RGS12: variants seen among roughly 807,000 people sequenced by gnomAD.
RGS12 encodes regulator of G protein signaling 12, also known as regulator of G-protein signaling 12.
A neutral mutation model predicts 120.1 loss-of-function variants in RGS12; 66 were observed. The observed-to-expected ratio is 0.55, with a 90% CI of 0.45 to 0.67. RGS12 has a LOEUF of 0.67. Ranked by LOEUF, RGS12 falls within the 30% of genes least tolerant of loss-of-function variation. RGS12 has a pLI of 0.00. For missense variants in RGS12, 1,859 were observed against 1,957.7 expected, an observed-to-expected ratio of 0.95 and a Z score of 0.95; for synonymous variants, 827 against 804.7, an observed-to-expected ratio of 1.03 and a Z score of -0.47.
intron 3 of RGS12, among the ~76,000 whole-genome samples, chr4:3,355,441 T>G (rs2108815939): frequency 6.6e-6 from 1 of 152,164 alleles, no homozygotes; most frequent in South Asian, 2.1e-4. Flanking sequence ...AAAGAAGAAG[T>G]GAAAATGTTA....
At chr4:3,344,575 C>T (rs955239731) in intron 3 of RGS12, among the ~76,000 whole-genome samples, 2 of 152,242 alleles carry the variant, frequency 1.3e-5, no homozygotes, top group African/African-American at 4.8e-5. Flanking sequence ...GTCTGGGCCA[C>T]GTGCTCTGCA....
chr4:3,402,165 G>A (rs899451100), intron 4 of RGS12, among the ~76,000 whole-genome samples: 2 of 152,152 alleles, frequency 1.3e-5, no homozygotes, highest in Non-Finnish European at 2.9e-5. Flanking sequence ...TTATATAAAA[G>A]GTACAAACAT....
chr4:3,352,410 C>G (rs532667870), intron 3 of RGS12, among the ~76,000 whole-genome samples: 1 of 152,256 alleles, frequency 6.6e-6, no homozygotes, highest in South Asian at 2.1e-4. Flanking sequence ...ATGATTCTTT[C>G]CACAGGTGAT....
intron 3 of RGS12, among the ~76,000 whole-genome samples, chr4:3,363,104 T>C (rs1252210283): frequency 1.4e-5 from 2 of 146,606 alleles, no homozygotes; most frequent in African/African-American, 5.1e-5. Flanking sequence ...TGTATGTGAG[T>C]GTGTGTGTGA....
chr4:3,393,272 C>A (rs1040966499), intron 4 of RGS12, among the ~76,000 whole-genome samples: 4 of 152,224 alleles, frequency 2.6e-5, no homozygotes, highest in African/African-American at 9.7e-5. Flanking sequence ...AACCCCCTGA[C>A]CCTGTGTGAG....
intron 4 of RGS12, among the ~76,000 whole-genome samples, chr4:3,397,206 G>A (rs1014313183): frequency 1.3e-5 from 2 of 152,238 alleles, no homozygotes; most frequent in Non-Finnish European, 2.9e-5. Flanking sequence ...TGAGAAAAAA[G>A]GGACTGGTTG....
At chr4:3,409,057 C>T (rs954049283) in intron 4 of RGS12, among the ~76,000 whole-genome samples, 3 of 152,216 alleles carry the variant, frequency 2.0e-5, no homozygotes, top group Admixed American at 1.3e-4. Flanking sequence ...AAGCAACTCT[C>T]ACTTGAGTGG....
In RGS12 at chr4:3,316,244, TTGCCCGGGGGA is replaced by T. The variant is rs1241735283; in HGVS notation, c.75_85del (p.Ala26GlyfsTer40). 1 of 1,613,016 alleles carries T rather than the reference TTGCCCGGGGGA, an allele frequency of 6.2e-7. No homozygotes were observed. Among genetic ancestry groups the T allele is most frequent in the South Asian group, 1.1e-5 (1 of 90,922 alleles). ...CCCCCAAGGGTGCGGAGTGTGGAGG[TTGCCCGGGGGA>T]GGGCCGGCTACGGATTCACGCTTTC... On this transcript the variant is annotated frameshift_variant, in exon 2 of 18. Coordinates refer to ENST00000336727, the MANE Select transcript of RGS12 (RefSeq NM_001394154.1). LOFTEE classifies it high-confidence loss of function.
At position 3,390,642 on chromosome 4, in the gene RGS12, T is replaced by G. The variant is rs1013958459; in HGVS notation, c.2020+4205T>G. Among the ~76,000 whole-genome samples, 1 of 152,148 alleles carries G rather than the reference T, an allele frequency of 6.6e-6. No individual in the cohort carries two copies. Among genetic ancestry groups the G allele is most frequent in the Non-Finnish European group, 1.5e-5 (1 of 68,016 alleles). On this transcript the variant is annotated intron_variant, in intron 4 of 17. Coordinates refer to ENST00000336727, the MANE Select transcript of RGS12 (RefSeq NM_001394154.1). The surrounding 1 kb of genome is among the most constrained non-coding windows in gnomAD (Gnocchi z 4.6). Reference sequence around the variant, plus strand: ...CACCCAACACGCGGGCCTTTGGAGCTCAGACCTGGCCATGGCGGAAGATTC... The same window carrying G: ...CACCCAACACGCGGGCCTTTGGAGCGCAGACCTGGCCATGGCGGAAGATTC...
intron 2 of RGS12, among the ~76,000 whole-genome samples, chr4:3,340,681 G>A (rs949074771): frequency 3.9e-5 from 6 of 152,236 alleles, no homozygotes; most frequent in African/African-American, 1.4e-4. Context: ...TCCAAAGAGT[G>A]TCTTACAGGC....
chr4:3,317,065 C>T lies in RGS12; in HGVS notation c.895C>T (p.Leu299=), dbSNP rs1724820347. 6.2e-7 allele frequency: 1 copy of T among 1,613,592 alleles called. No individual in the cohort carries two copies. Among genetic ancestry groups the T allele is most frequent in the African/African-American group, 1.3e-5 (1 of 74,946 alleles). ...CGTGGCCGAGTACCCGGCCGAGAAG[C>T]TGGCCTTCAGCGCCGTGTGCCCGGA... ...GVVAEYPAEK[L]AFSAVCPDDR... Residue 299 remains leucine (L), a synonymous_variant, in exon 2 of 18, where the codon CTG becomes TTG. Coordinates refer to ENST00000336727, the MANE Select transcript of RGS12 (RefSeq NM_001394154.1).
At chr4:3,417,868 T>C in intron 9 of RGS12, 1 of 253,920 alleles carries the variant, frequency 3.9e-6, no homozygotes, top group Non-Finnish European at 7.5e-6. Context: ...ATCCAAGTAA[T>C]AGGTGTTTTT....
intron 1 of RGS12, among the ~76,000 whole-genome samples, chr4:3,307,381 C>T (rs954765349): frequency 6.6e-6 from 1 of 152,202 alleles, no homozygotes; most frequent in African/African-American, 2.4e-5. Flanking sequence ...TGCTGTGGGT[C>T]TGAAGAGAGG....
Position 3,422,563 on chromosome 4 carries a change from G to A in RGS12, c.3026G>A (p.Gly1009Glu). The stretch of plus-strand genomic sequence containing the variant: ...GCCGCGGACCTCTTCCTGGTGGGCG[G>A]GGACAAGGTACTGGGCCCGCCTGAC... ...GAAADLFLVG[G>E]DKPLVLHQDS... The change falls in exon 11 of 18, where the codon GGG becomes GAG. Residue 1009 changes from glycine (G) to glutamate (E), a missense_variant. Transcript: ENST00000336727. 1 of 1,611,870 alleles carries A rather than the reference G, an allele frequency of 6.2e-7. No individual in the cohort carries two copies. Among genetic ancestry groups the A allele is most frequent in the Non-Finnish European group, 8.5e-7 (1 of 1,179,858 alleles).
chr4:3,358,645 T>C (rs1210684069), intron 3 of RGS12, among the ~76,000 whole-genome samples: 1 of 152,110 alleles, frequency 6.6e-6, no homozygotes, highest in Non-Finnish European at 1.5e-5. Flanking sequence ...ATTTTTCATA[T>C]GTTGAATTAC....
In RGS12 at chr4:3,416,037, G is replaced by T; in HGVS notation, c.2343G>T (p.Pro781=). 1 of 1,613,898 alleles carries T rather than the reference G, an allele frequency of 6.2e-7. No individual in the cohort carries two copies. Among genetic ancestry groups the T allele is most frequent in the South Asian group, 1.1e-5 (1 of 91,034 alleles). ...TTCTCTGCAGCAAAGCCACCACCCCGGTCAACATCGACAGCCAGGCCCAGC... is the reference window on the plus strand; with the variant it reads ...TTCTCTGCAGCAAAGCCACCACCCCTGTCAACATCGACAGCCAGGCCCAGC... ...SKFLCSKATT[P]VNIDSQAQLA... The change falls in exon 7 of 18, where the codon CCG becomes CCT. Residue 781 remains proline, a synonymous_variant. Coordinates refer to ENST00000336727, the MANE Select transcript of RGS12 (RefSeq NM_001394154.1).
intron 3 of RGS12, among the ~76,000 whole-genome samples, chr4:3,352,867 C>T (rs532631574): frequency 3.9e-5 from 6 of 152,296 alleles, no homozygotes; most frequent in South Asian, 2.1e-4. Flanking sequence ...ATAGTGACTC[C>T]GTTTTGAACC....
chr4:3,319,563 G>A (rs1459752765), intron 2 of RGS12, among the ~76,000 whole-genome samples: 2 of 152,112 alleles, frequency 1.3e-5, no homozygotes, highest in Non-Finnish European at 2.9e-5. Flanking sequence ...GAGTAGCTGG[G>A]ACTACTGAGT....
intron 3 of RGS12, among the ~76,000 whole-genome samples, chr4:3,344,305 G>A (rs148826266): frequency 6.6e-6 from 1 of 152,304 alleles, no homozygotes; most frequent in African/African-American, 2.4e-5. Flanking sequence ...ATCTGGGCGG[G>A]CAGCAATCAG....
Sources: gnomAD v4.1 joint callset for allele counts (sites outside exome capture counted in the v4.1 genomes callset) on GRCh38, gnomAD v4.1.1 for gene constraint, Gnocchi (gnomAD v3.1) non-coding constraint, MANE v1.5 for transcripts, NCBI Gene and HGNC (gene_info 2026-07-23, HGNC 2026-07-21) for gene names.